Variants in ULK4 observed in about 807,000 individuals in gnomAD.
ULK4 encodes the protein unc-51 like kinase 4.
A neutral mutation model predicts 160.6 loss-of-function variants in ULK4; 133 were observed. The ratio of observed to expected loss-of-function variants is 0.83; its 90% CI spans 0.72 to 0.96. The LOEUF is 0.96. Among genes scored for constraint, ULK4 ranks in the 40% least tolerant of loss-of-function variants. ULK4 has a pLI of 0.00. For synonymous variants in ULK4, 534 were observed against 539.8 expected (o/e 0.99, Z 0.15); for missense variants, 1,580 against 1,499.5 (o/e 1.05, Z -0.89).
intron 29 of ULK4, among the ~76,000 whole-genome samples, chr3:41,669,668 T>C (rs1254667414): frequency 6.6e-6 from 1 of 152,190 alleles, no homozygotes; most frequent in Admixed American, 6.6e-5. Flanking sequence ...TAGCATTATA[T>C]ATAATGTAAA....
chr3:41,649,101 C>T (rs909436923), intron 30 of ULK4, among the ~76,000 whole-genome samples: 3 of 151,520 alleles, frequency 2.0e-5, no homozygotes, highest in African/African-American at 7.3e-5. Context: ...GCACTCCAGC[C>T]TGGGTGACAG....
intron 17 of ULK4, among the ~76,000 whole-genome samples, chr3:41,841,351 C>T (rs148608290): frequency 0.054 from 8,073 of 149,916 alleles, 641 homozygotes; most frequent in African/African-American, 0.19. Context: ...CCGGCCACCC[C>T]GCCTGGGAAG....
In ULK4 at chr3:41,706,844, A is replaced by AT. The variant is rs1360804902; in HGVS notation, c.2635-1540_2635-1539insA. ...CTCTGTCTCAAAAAAAAAAAAAAAAAAAATATGTGTGTGTGTGTGTGTGTG... is the reference window on the plus strand; with the variant it reads ...CTCTGTCTCAAAAAAAAAAAAAAAAATAAATATGTGTGTGTGTGTGTGTGTG... On this transcript the variant is annotated intron_variant, in intron 25 of 36. Coordinates refer to ENST00000301831, the MANE Select transcript of ULK4 (RefSeq NM_017886.4). Among the ~76,000 whole-genome samples, 545 of 138,744 alleles carry AT rather than the reference A, an allele frequency of 3.9e-3. 5 individuals are homozygous for AT. Among genetic ancestry groups the AT allele is most frequent in the African/African-American group, 0.015 (524 of 34,020 alleles). The allele number at this position is 138,744 out of a possible 152,430, so 91.0% of individuals were successfully genotyped here.
intron 35 of ULK4, among the ~76,000 whole-genome samples, chr3:41,383,224 G>A (rs1408281654): frequency 2.0e-5 from 3 of 151,392 alleles, no homozygotes; most frequent in South Asian, 2.1e-4. Flanking sequence ...TCAGCCTCCC[G>A]AGTAGCTAGG....
At chr3:41,559,831 A>C (rs1219478856) in intron 32 of ULK4, among the ~76,000 whole-genome samples, 1 of 152,172 alleles carries the variant, frequency 6.6e-6, no homozygotes, top group Non-Finnish European at 1.5e-5. Flanking sequence ...TTGCCTATTC[A>C]CACTGATGGT....
At chr3:41,847,942 G>A (rs1200076644) in intron 17 of ULK4, among the ~76,000 whole-genome samples, 1 of 152,200 alleles carries the variant, frequency 6.6e-6, no homozygotes, top group East Asian at 1.9e-4. Flanking sequence ...TGAAACTGAA[G>A]AGAATAAAAT....
At chr3:41,561,793 G>C (rs1295474816) in intron 32 of ULK4, among the ~76,000 whole-genome samples, 7 of 151,932 alleles carry the variant, frequency 4.6e-5, no homozygotes, top group Non-Finnish European at 1.0e-4. Flanking sequence ...TTAAGTCGTT[G>C]ATCTTTTGAA....
chr3:41,514,227 C>T (rs1317809778), intron 32 of ULK4, among the ~76,000 whole-genome samples: 1 of 151,978 alleles, frequency 6.6e-6, no homozygotes, highest in Non-Finnish European at 1.5e-5. Flanking sequence ...GAACTGAGCC[C>T]AGTTAAAGAG....
At chr3:41,256,123 C>T (rs1394278550) in intron 35 of ULK4, among the ~76,000 whole-genome samples, 1 of 151,976 alleles carries the variant, frequency 6.6e-6, no homozygotes, top group Non-Finnish European at 1.5e-5. Context: ...AAATTTCTTC[C>T]AAAATATAGG....
At chr3:41,646,995 G>A (rs1158940122) in intron 30 of ULK4, among the ~76,000 whole-genome samples, 3 of 152,152 alleles carry the variant, frequency 2.0e-5, no homozygotes, top group African/African-American at 7.2e-5. Flanking sequence ...CGGCTCCTGA[G>A]GCTTCTGCAT....
At position 41,301,863 on chromosome 3, in the gene ULK4, G is replaced by A. The variant is rs148327793; in HGVS notation, c.3679-52289C>T. Among the ~76,000 whole-genome samples, 14 of 152,180 alleles carry A rather than the reference G, an allele frequency of 9.2e-5. No homozygotes were observed. In the East Asian group the frequency reaches 2.7e-3, roughly 29 times the overall value. ...TGTTTACTATCTGAAGTAAAACTAA[G>A]GTTTAAGGTTGCAAAACAATCTTGG... On this transcript the variant is annotated intron_variant, in intron 35 of 36. Coordinates refer to ENST00000301831, the MANE Select transcript of ULK4 (RefSeq NM_017886.4).
chr3:41,679,278 T>C (rs2035841280), intron 29 of ULK4, among the ~76,000 whole-genome samples: 2 of 152,202 alleles, frequency 1.3e-5, no homozygotes, highest in South Asian at 2.1e-4. Context: ...CCACACACTG[T>C]ACCGTTTCAA....
chr3:41,935,746 A>C, intron 4 of ULK4, 55 bp downstream of exon 4: 2 of 1,532,468 alleles, frequency 1.3e-6, no homozygotes, highest in Non-Finnish European at 1.8e-6. Context: ...TCTTTGAGAA[A>C]GCACTCTAAT....
intron 34 of ULK4, among the ~76,000 whole-genome samples, chr3:41,403,312 A>G (rs1166987949): frequency 6.6e-6 from 1 of 152,124 alleles, no homozygotes; most frequent in Non-Finnish European, 1.5e-5. Context: ...TCAAGTGTTC[A>G]TGTTGGTTGA....
intron 3 of ULK4, among the ~76,000 whole-genome samples, chr3:41,936,352 C>G (rs1699775331): frequency 6.6e-6 from 1 of 152,182 alleles, no homozygotes; most frequent in African/African-American, 2.4e-5. Flanking sequence ...CTATGCCTTT[C>G]CTTAACAGAT....
intron 29 of ULK4, among the ~76,000 whole-genome samples, chr3:41,665,338 T>A (rs1221338153): frequency 1.3e-5 from 2 of 151,854 alleles, no homozygotes; most frequent in African/African-American, 4.8e-5. Flanking sequence ...CTTGAAAGCA[T>A]AAGAAAAACA....
chr3:41,633,171 T>A (rs2033817690), intron 30 of ULK4, among the ~76,000 whole-genome samples: 1 of 152,228 alleles, frequency 6.6e-6, no homozygotes, highest in African/African-American at 2.4e-5. Flanking sequence ...CTGAGTTGCT[T>A]GAACATTATC....
chr3:41,416,451 G>A (rs1471387741), intron 34 of ULK4, among the ~76,000 whole-genome samples: 2 of 152,108 alleles, frequency 1.3e-5, no homozygotes, highest in Non-Finnish European at 2.9e-5. Flanking sequence ...GAATGACGCC[G>A]TCATGTAACA....
chr3:41,927,576 C>A (rs1409935938), intron 5 of ULK4, among the ~76,000 whole-genome samples: 1 of 151,518 alleles, frequency 6.6e-6, no homozygotes, highest in Non-Finnish European at 1.5e-5. Context: ...GAGTTAAGAC[C>A]CATCAGTGTG....
Sources: allele counts gnomAD v4.1 joint callset (sites outside exome capture counted in the v4.1 genomes callset), GRCh38; gene constraint gnomAD v4.1.1; transcripts MANE v1.5; gene names NCBI Gene and HGNC (gene_info 2026-07-23, HGNC 2026-07-21).